Variants in SLC44A5 observed in about 807,000 individuals in gnomAD.
The protein encoded by SLC44A5 is choline transporter-like protein 5.
In SLC44A5, 57 loss-of-function variants were observed where a neutral mutation model predicts 101.8. That is an observed-to-expected ratio of 0.56 (90% CI 0.45 to 0.70). SLC44A5 has a LOEUF of 0.70. SLC44A5 is among the 30% of genes least tolerant of loss of function. The pLI is 0.00. For missense variants in SLC44A5, 737 were observed against 853.1 expected, an observed-to-expected ratio of 0.86 and a Z score of 1.70; for synonymous variants, 281 against 290.9, an observed-to-expected ratio of 0.97 and a Z score of 0.35.
At chr1:75,575,068 A>G (rs1673285058) in intron 1 of SLC44A5, among the ~76,000 whole-genome samples, 1 of 152,158 alleles carries the variant, frequency 6.6e-6, no homozygotes, top group South Asian at 2.1e-4. Context: ...AATGCTTACT[A>G]AAGTTGAGTC....
intron 1 of SLC44A5, among the ~76,000 whole-genome samples, chr1:75,542,109 T>C (rs902770984): frequency 6.6e-6 from 1 of 152,166 alleles, no homozygotes; most frequent in African/African-American, 2.4e-5. Flanking sequence ...TAGAAACCAC[T>C]GCTAAAATTT....
At chr1:75,394,195 A>C (rs1276477936) in intron 3 of SLC44A5, among the ~76,000 whole-genome samples, 1 of 152,162 alleles carries the variant, frequency 6.6e-6, no homozygotes, top group East Asian at 1.9e-4. Context: ...GAAAGTTTAA[A>C]AAAGTAGAGT....
chr1:75,659,363 G>GGAAA, the SLC44A5 span, among the ~76,000 whole-genome samples: 1 of 137,482 alleles, frequency 7.3e-6, no homozygotes, highest in Non-Finnish European at 1.6e-5. Context: ...AAAGAAAGAA[G>GGAAA]GAAAGAAAGA....
At chr1:75,363,464 A>G (rs1404950176) in intron 3 of SLC44A5, among the ~76,000 whole-genome samples, 1 of 151,756 alleles carries the variant, frequency 6.6e-6, no homozygotes, top group East Asian at 1.9e-4. Context: ...TTAGGTTTTT[A>G]ATTTGTGGTT....
intron 2 of SLC44A5, among the ~76,000 whole-genome samples, chr1:75,427,003 C>G (rs765293723): frequency 6.6e-6 from 1 of 152,184 alleles, no homozygotes; most frequent in African/African-American, 2.4e-5. Flanking sequence ...GGTTCTGCCT[C>G]TTTTTGGGGC....
In SLC44A5 at chr1:75,227,784, G is replaced by T. The variant is rs751629599; in HGVS notation, c.927C>A (p.Ile309=). The part of the protein sequence containing the change: ...RPSSVLTIYD[I]GIQTNISMYF... ...ACATGCTTATGTTAGTCTGAATCCC[G>T]ATGTCATAGATAGTTAATACAGAAC... The change falls in exon 13 of 24, where the codon ATC becomes ATA. Residue 309 remains isoleucine (I), a synonymous_variant. Transcript: ENST00000370859. The T allele has an allele frequency of 1.9e-6, 3 of 1,594,132 alleles. No individual in the cohort carries two copies. The highest frequency in any genetic ancestry group is 1.7e-6 in the Non-Finnish European group (2 of 1,174,064).
chr1:75,414,358 T>C (rs80128668), intron 2 of SLC44A5, among the ~76,000 whole-genome samples: 4,553 of 144,178 alleles, frequency 0.032, 212 homozygotes, highest in African/African-American at 0.11. Context: ...CACACACACA[T>C]ATATCTTTTC....
chr1:75,475,012 CGTT>C (rs1271142211), intron 2 of SLC44A5, among the ~76,000 whole-genome samples: 1 of 152,194 alleles, frequency 6.6e-6, no homozygotes. Flanking sequence ...AAAGTAAAAT[CGTT>C]GTGTGTCGCC....
rs1490635584 is a variant in SLC44A5 at position 75,425,004 on chromosome 1, T to G, written c.14-28383A>C. Among the ~76,000 whole-genome samples, 3 of 152,234 alleles carry G rather than the reference T, an allele frequency of 2.0e-5. No homozygotes were observed. In the East Asian group the frequency reaches 5.8e-4, roughly 29 times the overall value. ...TGGTGGTAGGAAGCATTTAAAATAA[T>G]AGCACTGCTCCATTAGGTTCATTTA... On this transcript the variant is annotated intron_variant, in intron 2 of 23. Transcript: ENST00000370859.
intron 4 of SLC44A5, among the ~76,000 whole-genome samples, chr1:75,323,966 C>T (rs1656381253): frequency 6.6e-6 from 1 of 152,136 alleles, no homozygotes; most frequent in South Asian, 2.1e-4. Flanking sequence ...TTTTCTAACC[C>T]CAGCTTCCCT....
intron 6 of SLC44A5, among the ~76,000 whole-genome samples, chr1:75,257,094 C>A (rs1206764444): frequency 6.6e-6 from 1 of 152,056 alleles, no homozygotes; most frequent in Non-Finnish European, 1.5e-5. Flanking sequence ...GAATGAGAGA[C>A]CATTGCTTTT....
At chr1:75,484,046 A>G (rs1001967897) in intron 2 of SLC44A5, among the ~76,000 whole-genome samples, 2 of 152,212 alleles carry the variant, frequency 1.3e-5, no homozygotes, top group African/African-American at 4.8e-5. Flanking sequence ...TGTGGGAATT[A>G]CAATTCAAAA....
At chr1:75,517,521 A>C (rs1669902757) in intron 2 of SLC44A5, among the ~76,000 whole-genome samples, 1 of 152,156 alleles carries the variant, frequency 6.6e-6, no homozygotes, top group African/African-American at 2.4e-5. Context: ...AGGCGGGAAG[A>C]AAATGGCAAA....
chr1:75,278,200 AC>A (rs1652089157), intron 5 of SLC44A5, among the ~76,000 whole-genome samples: 1 of 151,210 alleles, frequency 6.6e-6, no homozygotes, highest in South Asian at 2.1e-4. Context: ...TATATTGGTT[AC>A]ATTTGAAATA....
the SLC44A5 span, among the ~76,000 whole-genome samples, chr1:75,650,250 GTAT>G: frequency 6.6e-6 from 1 of 152,048 alleles, no homozygotes; most frequent in Non-Finnish European, 1.5e-5. Flanking sequence ...AACATCATCT[GTAT>G]TATTAAGCAA....
At chr1:75,722,512 G>A in the SLC44A5 span, among the ~76,000 whole-genome samples, 1 of 152,158 alleles carries the variant, frequency 6.6e-6, no homozygotes. Flanking sequence ...GGGTAGTTAC[G>A]ATCTAGGCAC....
intron 5 of SLC44A5, among the ~76,000 whole-genome samples, chr1:75,294,071 C>T (rs1351277406): frequency 6.6e-6 from 1 of 152,118 alleles, no homozygotes; most frequent in Non-Finnish European, 1.5e-5. Context: ...AACAATAGAA[C>T]TGGAATTTCT....
At chr1:75,212,343 T>A (rs539571885) in intron 22 of SLC44A5, among the ~76,000 whole-genome samples, 6 of 152,190 alleles carry the variant, frequency 3.9e-5, no homozygotes, top group African/African-American at 1.4e-4. Context: ...TCCCTCCTTC[T>A]ACCCTCCACC....
intron 2 of SLC44A5, among the ~76,000 whole-genome samples, chr1:75,533,922 C>A (rs1402637694): frequency 6.6e-6 from 1 of 152,062 alleles, no homozygotes; most frequent in Non-Finnish European, 1.5e-5. Context: ...TATGAAGAGA[C>A]CATTTCCTGA....
Sources: gnomAD v4.1 joint callset for allele counts (sites outside exome capture counted in the v4.1 genomes callset) on GRCh38, gnomAD v4.1.1 for gene constraint, MANE v1.5 for transcripts, NCBI Gene and HGNC (gene_info 2026-07-23, HGNC 2026-07-21) for gene names.